NKAIN3: variants seen among roughly 807,000 people sequenced by gnomAD.
NKAIN3 encodes the protein sodium/potassium transporting ATPase interacting 3.
Under a neutral mutation model 30.2 loss-of-function variants are expected in NKAIN3, and 25 were observed. The observed-to-expected ratio is 0.83, with a 90% confidence interval of 0.60 to 1.16. The LOEUF is 1.16. Among genes scored for constraint, NKAIN3 ranks in the 50% most tolerant of loss-of-function variants. The pLI is 0.00. For synonymous variants in NKAIN3, 91 were observed against 89.6 expected (o/e 1.02, Z -0.09); for missense variants, 225 against 254.1 (o/e 0.89, Z 0.78).
chr8:62,616,747 T>C (rs1364859376), intron 3 of NKAIN3, among the ~76,000 whole-genome samples: 1 of 152,112 alleles, frequency 6.6e-6, no homozygotes, highest in African/African-American at 2.4e-5. Flanking sequence ...AACCCTCTAA[T>C]CATGTGGTTT....
chr8:62,492,199 G>A (rs952307150), intron 1 of NKAIN3, among the ~76,000 whole-genome samples: 6 of 152,094 alleles, frequency 3.9e-5, no homozygotes, highest in African/African-American at 1.4e-4. Context: ...TTTTAGTAGA[G>A]CTTAGTGATC....
chr8:62,614,043 G>C (rs1310247154), intron 3 of NKAIN3, among the ~76,000 whole-genome samples: 1 of 152,088 alleles, frequency 6.6e-6, no homozygotes, highest in Admixed American at 6.6e-5. Flanking sequence ...TTCATTTGGT[G>C]AGGTTATATT....
chr8:62,737,576 T>A (rs943169189), intron 3 of NKAIN3, among the ~76,000 whole-genome samples: 1 of 152,188 alleles, frequency 6.6e-6, no homozygotes, highest in East Asian at 1.9e-4. Flanking sequence ...TTTTATCTCC[T>A]GTGGCAATTC....
chr8:62,683,405 C>G (rs745735144), intron 3 of NKAIN3, among the ~76,000 whole-genome samples: 16 of 151,992 alleles, frequency 1.1e-4, no homozygotes, highest in Non-Finnish European at 2.1e-4. Flanking sequence ...TATCAAGTTA[C>G]CAGGAAAACA....
intron 1 of NKAIN3, among the ~76,000 whole-genome samples, chr8:62,438,544 G>A (rs1805235531): frequency 6.6e-6 from 1 of 152,046 alleles, no homozygotes; most frequent in Non-Finnish European, 1.5e-5. Flanking sequence ...CATCAGTAGG[G>A]CCGGTGTCAT....
chr8:62,793,932 A>G (rs1446975428), intron 4 of NKAIN3, among the ~76,000 whole-genome samples: 1 of 152,218 alleles, frequency 6.6e-6, no homozygotes, highest in East Asian at 1.9e-4. Context: ...GTCACAACAG[A>G]AAGATGCCCT....
At chr8:62,575,905 G>A (rs929769905) in intron 1 of NKAIN3, among the ~76,000 whole-genome samples, 1 of 152,042 alleles carries the variant, frequency 6.6e-6, no homozygotes. Context: ...GGAAAACTGA[G>A]TATCCATATG....
At chr8:62,625,665 A>T (rs1322853020) in intron 3 of NKAIN3, among the ~76,000 whole-genome samples, 1 of 152,156 alleles carries the variant, frequency 6.6e-6, no homozygotes, top group Non-Finnish European at 1.5e-5. Context: ...TATGAATTAC[A>T]CTACAGGTAA....
chr8:62,853,929 T>G (rs1426594030), intron 4 of NKAIN3, among the ~76,000 whole-genome samples: 1 of 152,238 alleles, frequency 6.6e-6, no homozygotes, highest in Non-Finnish European at 1.5e-5. Context: ...AAAGAACTTC[T>G]TGATTTCTGC....
intron 4 of NKAIN3, among the ~76,000 whole-genome samples, chr8:62,773,543 C>T (rs574682251): frequency 2.4e-4 from 36 of 152,122 alleles, no homozygotes; most frequent in Non-Finnish European, 5.0e-4. Context: ...GCCCAAATCT[C>T]ATCTCGAATT....
intron 5 of NKAIN3, among the ~76,000 whole-genome samples, chr8:62,947,934 A>T (rs560751459): frequency 3.3e-5 from 5 of 152,336 alleles, no homozygotes; most frequent in African/African-American, 9.6e-5. Context: ...CTCTGCTCAG[A>T]CGTGCCAATA....
At chr8:62,692,179 A>G (rs1292836392) in intron 3 of NKAIN3, among the ~76,000 whole-genome samples, 2 of 152,186 alleles carry the variant, frequency 1.3e-5, no homozygotes, top group Non-Finnish European at 2.9e-5. Flanking sequence ...TTGGCCAGAG[A>G]AAATGAAGAA....
At chr8:62,778,575 C>T (rs988589688) in intron 4 of NKAIN3, among the ~76,000 whole-genome samples, 10 of 152,222 alleles carry the variant, frequency 6.6e-5, no homozygotes, top group East Asian at 3.9e-4. Flanking sequence ...GTAGTGAATA[C>T]TGCCAGGCCT....
At chr8:62,625,519 C>G (rs1811762988) in intron 3 of NKAIN3, among the ~76,000 whole-genome samples, 1 of 152,112 alleles carries the variant, frequency 6.6e-6, no homozygotes, top group South Asian at 2.1e-4. Flanking sequence ...GTCTCCACTA[C>G]TTACCAAGTT....
rs139372000 is a variant in NKAIN3, at chr8:62,276,102, G to A, written c.54+26975G>A. Among the ~76,000 whole-genome samples, 744 of 152,104 alleles carry A rather than the reference G, an allele frequency of 4.9e-3. 8 individuals are homozygous for A. Among genetic ancestry groups the A allele is most frequent in the African/African-American group, 0.017 (710 of 41,494 alleles). On this transcript the variant is annotated intron_variant, in intron 1 of 6. Coordinates refer to ENST00000623646, the MANE Select transcript of NKAIN3 (RefSeq NM_001304533.3). The stretch of plus-strand genomic sequence containing the variant: ...TTTTTTTGAGACAGAGTCTCCCTCT[G>A]TCACCCAGGCTGGAGTGCAGTGGTG...
intron 2 of NKAIN3, among the ~76,000 whole-genome samples, chr8:62,581,026 C>T (rs1366139489): frequency 6.7e-6 from 1 of 149,700 alleles, no homozygotes; most frequent in Non-Finnish European, 1.5e-5. Flanking sequence ...TCGCTTGAAC[C>T]CAGGAGATCA....
intron 4 of NKAIN3, among the ~76,000 whole-genome samples, chr8:62,754,373 C>CAA (rs1306599928): frequency 2.0e-5 from 3 of 151,856 alleles, no homozygotes; most frequent in Non-Finnish European, 4.4e-5. Flanking sequence ...CACACACACA[C>CAA]ACACACACAC....
At chr8:62,891,049 G>A (rs1228622089) in intron 4 of NKAIN3, among the ~76,000 whole-genome samples, 1 of 152,156 alleles carries the variant, frequency 6.6e-6, no homozygotes, top group Non-Finnish European at 1.5e-5. Flanking sequence ...AAGTATGATA[G>A]TTAATATTGT....
At chr8:62,507,501 T>A (rs896427421) in intron 1 of NKAIN3, among the ~76,000 whole-genome samples, 1 of 152,168 alleles carries the variant, frequency 6.6e-6, no homozygotes, top group African/African-American at 2.4e-5. Context: ...TAATACACAT[T>A]CCCAAATTTG....
Sources: gnomAD v4.1 joint callset for allele counts (sites outside exome capture counted in the v4.1 genomes callset) on GRCh38, gnomAD v4.1.1 for gene constraint, MANE v1.5 for transcripts, NCBI Gene and HGNC (gene_info 2026-07-23, HGNC 2026-07-21) for gene names.